CAMTA1: variants seen among roughly 807,000 people sequenced by gnomAD.
CAMTA1 encodes calmodulin binding transcription activator 1, also known as calmodulin-binding transcription activator 1.
In CAMTA1, 27 loss-of-function variants were observed where a neutral mutation model predicts 170.9. The observed-to-expected ratio is 0.16, with a 90% CI of 0.12 to 0.22. The LOEUF (loss-of-function observed/expected upper bound fraction) is 0.22, where lower values mean the gene tolerates loss of function less well. CAMTA1 is among the 10% of genes least tolerant of loss of function. The pLI is 1.00. For missense variants in CAMTA1, 1,619 were observed against 2,217.2 expected, an observed-to-expected ratio of 0.73 and a Z score of 5.42; for synonymous variants, 833 against 891.5, an observed-to-expected ratio of 0.93 and a Z score of 1.17.
rs61348883 is a variant in CAMTA1 at position 7,522,985 on chromosome 1, G to A, written c.510+55084G>A. Among the ~76,000 whole-genome samples the A allele has an allele frequency of 1.3e-3, 195 of 152,332 alleles. 1 individual carries two copies. The highest frequency in any genetic ancestry group is 4.2e-3 in the African/African-American group (176 of 41,558). On this transcript the variant is annotated intron_variant, in intron 6 of 22. Transcript: ENST00000303635. The stretch of plus-strand genomic sequence containing the variant: ...GGATTCAAGTGATTCTCCTGCCTCA[G>A]CCTTCTGAGTAGCTAGAATTACAAG...
chr1:6,820,123 G>GAGCC (rs1646317720), intron 1 of CAMTA1, 58 bp from the exon 2 acceptor site: 2 of 1,031,288 alleles, frequency 1.9e-6, no homozygotes, highest in South Asian at 2.5e-5. Context: ...TATCACAGAA[G>GAGCC]AGCCAGATTA....
chr1:7,702,211 C>T (rs2096448894), intron 11 of CAMTA1, among the ~76,000 whole-genome samples: 1 of 152,098 alleles, frequency 6.6e-6, no homozygotes, highest in African/African-American at 2.4e-5. Context: ...CAGCCATGAC[C>T]CCACCTGTCC....
chr1:7,365,694 A>G (rs1204419983), intron 5 of CAMTA1, among the ~76,000 whole-genome samples: 6 of 152,166 alleles, frequency 3.9e-5, no homozygotes, highest in Non-Finnish European at 8.8e-5. Context: ...GTTCTGGCCA[A>G]AACAGGCAGC....
At chr1:6,838,428 C>A (rs530377719) in intron 3 of CAMTA1, among the ~76,000 whole-genome samples, 15 of 152,272 alleles carry the variant, frequency 9.9e-5, no homozygotes, top group Non-Finnish European at 2.1e-4. Flanking sequence ...GCCAGCATGT[C>A]CCCTGTGAAG....
At chr1:7,517,527 CTCCTT>C (rs1227458645) in intron 6 of CAMTA1, among the ~76,000 whole-genome samples, 3 of 151,246 alleles carry the variant, frequency 2.0e-5, no homozygotes, top group Admixed American at 6.6e-5. Context: ...GCTGCTAACT[CTCCTT>C]TCACAAAGTG....
rs571335404 is a variant in CAMTA1 at position 6,834,986 on chromosome 1, G to A, written c.234+9776G>A. On this transcript the variant is annotated intron_variant, in intron 3 of 22. Coordinates refer to ENST00000303635, the MANE Select transcript of CAMTA1 (RefSeq NM_015215.4). ...ACATCTACAAAGTTGTGTAGCCATC[G>A]CCACTACCTAAGTTCAGAACATTTT... Among the ~76,000 whole-genome samples the A allele has an allele frequency of 5.3e-5, 8 of 152,222 alleles. No individual in the cohort carries two copies. The South Asian group carries it at 8.3e-4, about 16-fold the overall frequency.
chr1:7,563,480 A>G (rs1375352360), intron 6 of CAMTA1, among the ~76,000 whole-genome samples: 1 of 152,186 alleles, frequency 6.6e-6, no homozygotes, highest in Non-Finnish European at 1.5e-5. Flanking sequence ...GGGCCCCACT[A>G]GAGCCTGCTG....
At chr1:6,987,952 A>G (rs1301744980) in intron 3 of CAMTA1, among the ~76,000 whole-genome samples, 1 of 152,122 alleles carries the variant, frequency 6.6e-6, no homozygotes, top group Non-Finnish European at 1.5e-5. Context: ...GTAACTCTGT[A>G]GGGCTTAGCC....
At chr1:7,032,783 T>C (rs1702985078) in intron 3 of CAMTA1, among the ~76,000 whole-genome samples, 1 of 152,190 alleles carries the variant, frequency 6.6e-6, no homozygotes, top group Non-Finnish European at 1.5e-5. Context: ...TAAAAAAGTA[T>C]TTCACTTTTG....
At chr1:7,688,673 C>A (rs1231005428) in intron 11 of CAMTA1, among the ~76,000 whole-genome samples, 1 of 152,202 alleles carries the variant, frequency 6.6e-6, no homozygotes, top group Non-Finnish European at 1.5e-5. Context: ...CCCTTCCCAT[C>A]CAGTCCAATG....
intron 4 of CAMTA1, among the ~76,000 whole-genome samples, chr1:7,098,710 T>C (rs1485835607): frequency 6.6e-6 from 1 of 152,144 alleles, no homozygotes; most frequent in East Asian, 1.9e-4. Flanking sequence ...ACTCCTCACA[T>C]CCCCTCCGTG....
At chr1:7,427,378 C>G (rs957162477) in intron 5 of CAMTA1, among the ~76,000 whole-genome samples, 12 of 152,118 alleles carry the variant, frequency 7.9e-5, no homozygotes. Flanking sequence ...GTGATCCAAA[C>G]TCAGTATTTC....
intron 3 of CAMTA1, among the ~76,000 whole-genome samples, chr1:6,829,053 C>T (rs1648579564): frequency 6.6e-6 from 1 of 151,944 alleles, no homozygotes; most frequent in African/African-American, 2.4e-5. Flanking sequence ...TGTGCCACCA[C>T]ACCTGGATAA....
At chr1:6,898,022 A>G (rs1426563207) in intron 3 of CAMTA1, among the ~76,000 whole-genome samples, 1 of 152,152 alleles carries the variant, frequency 6.6e-6, no homozygotes, top group Non-Finnish European at 1.5e-5. Context: ...GAAAAACCCT[A>G]CGAATCCAAA....
rs182746968 is a variant in CAMTA1 at position 7,064,964 on chromosome 1, T to C, written c.235-26340T>C. ...TCCCTCAGAGTTAGAACCAACAGAG[T>C]TTGTAGGTTTTCAGCTTCAGTACCT... is the stretch of plus-strand genomic sequence containing the variant. On this transcript the variant is annotated intron_variant, in intron 3 of 22. Coordinates refer to ENST00000303635, the MANE Select transcript of CAMTA1 (RefSeq NM_015215.4). The surrounding 1 kb of genome is among the most constrained non-coding windows in gnomAD (Gnocchi z 5.4). 2.0e-5 allele frequency among the ~76,000 whole-genome samples: 3 copies of C among 150,990 alleles called. No individual in the cohort carries two copies. The East Asian group carries it at 5.8e-4, about 29-fold the overall frequency.
intron 5 of CAMTA1, among the ~76,000 whole-genome samples, chr1:7,380,247 G>A (rs568343568): frequency 3.3e-5 from 5 of 152,236 alleles, no homozygotes; most frequent in African/African-American, 4.8e-5. Context: ...CCATTTGCCC[G>A]GCACGTCCCT....
rs1321613159 is a variant in CAMTA1, at chr1:7,673,468, G to A, written c.2779+2431G>A. ...CTCTTCCTTTCCCAAGGGGGAGTTC[G>A]GAGAGGGTACCAGGGCAGTTTGGGT... On this transcript the variant is annotated intron_variant, in intron 10 of 22. Transcript: ENST00000303635. The surrounding 1 kb of genome is among the most constrained non-coding windows in gnomAD (Gnocchi z 4.6). 6.6e-6 allele frequency among the ~76,000 whole-genome samples: 1 copy of A among 152,250 alleles called. No individual in the cohort carries two copies. The highest frequency in any genetic ancestry group is 2.1e-4 in the South Asian group (1 of 4,832).
intron 6 of CAMTA1, among the ~76,000 whole-genome samples, chr1:7,546,410 G>A: frequency 6.6e-6 from 1 of 152,136 alleles, no homozygotes; most frequent in East Asian, 1.9e-4. Context: ...TCATTGATGG[G>A]CATTTGGGTT....
intron 3 of CAMTA1, among the ~76,000 whole-genome samples, chr1:7,018,760 G>A (rs74051084): frequency 0.017 from 2,656 of 152,220 alleles, 86 homozygotes; most frequent in African/African-American, 0.059. Flanking sequence ...TGTTGGGGTC[G>A]GAACCATTCC....
Sources: allele counts gnomAD v4.1 joint callset (sites outside exome capture counted in the v4.1 genomes callset), GRCh38; gene constraint gnomAD v4.1.1; non-coding constraint Gnocchi (gnomAD v3.1); transcripts MANE v1.5; gene names NCBI Gene and HGNC (gene_info 2026-07-23, HGNC 2026-07-21).